PRPF19: variants seen among roughly 807,000 people sequenced by gnomAD.
PRPF19 encodes pre-mRNA-processing factor 19.
PRPF19 carries 2 observed loss-of-function variants against 64.2 expected under a neutral mutation model. The observed-to-expected ratio is 0.03, with a 90% CI of 0.01 to 0.10. PRPF19 has a LOEUF of 0.10. Ranked by LOEUF, PRPF19 falls within the 10% of genes least tolerant of loss-of-function variation. The probability of loss-of-function intolerance (pLI) is 1.00; values close to 1 mark genes in which losing one functional copy is unlikely to be tolerated. For missense variants in PRPF19, 314 were observed against 650.0 expected (o/e 0.48, Z 5.62); for synonymous variants, 226 against 251.6 (o/e 0.90, Z 0.96).
Position 60,903,881 on chromosome 11 carries a change from A to T in PRPF19, c.20-20T>A, listed in dbSNP as rs1187177661. ...TAGAGACTGTAGAGAAAAGGCTGGT[A>T]GTGAGCTTGGAGTGAAGGCAATCTT... On this transcript the variant is annotated intron_variant, in intron 1 of 15. Coordinates refer to ENST00000227524, the MANE Select transcript of PRPF19 (RefSeq NM_014502.5). 1 of 1,605,594 alleles carries T rather than the reference A, an allele frequency of 6.2e-7. No individual in the cohort carries two copies. The highest frequency in any genetic ancestry group is 8.5e-7 in the Non-Finnish European group (1 of 1,178,084).
chr11:60,895,425 T>G (rs757714342), intron 15 of PRPF19, among the ~76,000 whole-genome samples: 3 of 152,246 alleles, frequency 2.0e-5, no homozygotes, highest in Non-Finnish European at 4.4e-5. Flanking sequence ...GTCTCAGCCT[T>G]CACAGAATTC....
At chr11:60,899,548 G>C (rs930930975) in intron 10 of PRPF19, among the ~76,000 whole-genome samples, 2 of 152,180 alleles carry the variant, frequency 1.3e-5, no homozygotes, top group Non-Finnish European at 1.5e-5. Flanking sequence ...GTGGTAAAAA[G>C]GCTAACTGCA....
chr11:60,899,739 T>C (rs1855961003), intron 10 of PRPF19, among the ~76,000 whole-genome samples: 2 of 152,272 alleles, frequency 1.3e-5, no homozygotes. Flanking sequence ...TGGCTGTATT[T>C]CAGTGCATTC....
rs1390364399 is a variant in PRPF19, at chr11:60,890,668, C to A, written c.*498G>T. ...GCCAGTGTCCCAGTGTGTGCTCCCT[C>A]CCCTTGACCTTCCCAGTCCCAGGTG... is the stretch of plus-strand genomic sequence containing the variant. On this transcript the variant is annotated 3_prime_UTR_variant, in exon 16 of 16. Transcript: ENST00000227524. The A allele has an allele frequency of 2.2e-6, 1 of 449,572 alleles. No homozygotes were observed. 27.8% of individuals were successfully genotyped at this position (449,572 alleles called of 1,614,324 possible). A position where few individuals can be genotyped will look rare whatever the true frequency, so the allele number is the denominator to read the frequency against.
In PRPF19 at chr11:60,903,718, T is replaced by G; in HGVS notation, c.163A>C (p.Ile55Leu). The G allele has an allele frequency of 1.3e-6, 2 of 1,593,686 alleles. No homozygotes were observed. Among genetic ancestry groups the G allele is most frequent in the Non-Finnish European group, 1.7e-6 (2 of 1,172,292 alleles). Residue 55 changes from isoleucine (I) to leucine (L), a missense_variant, in exon 2 of 16, where the codon ATC becomes CTC. Transcript: ENST00000227524. ...QPLSEEQLID[I>L]KVAHPIRPKP... ...TAAGGCAGCCAATAGGCACCTTTGATGTCGATGAGCTGCTCCTCGGAGAGA... is the reference window on the plus strand; with the variant it reads ...TAAGGCAGCCAATAGGCACCTTTGAGGTCGATGAGCTGCTCCTCGGAGAGA...
In PRPF19 at chr11:60,898,303, C is replaced by G; in HGVS notation, c.1141-32G>C. 6.2e-7 allele frequency: 1 copy of G among 1,607,506 alleles called. No homozygotes were observed. ...TGGCGGTGGGTAGTAAAATACGTCA[C>G]CCACAGATCATGAGAGGAAGAAAAT... On this transcript the variant is annotated intron_variant, in intron 13 of 15. Transcript: ENST00000227524. This position sits in a 1 kb window ranked among gnomAD's most constrained non-coding sequence, Gnocchi z 4.6.
At position 60,891,973 on chromosome 11, in the gene PRPF19, C is replaced by T. The variant is rs539823050; in HGVS notation, c.1418-710G>A. 9.8e-5 allele frequency among the ~76,000 whole-genome samples: 15 copies of T among 152,332 alleles called. No individual in the cohort carries two copies. In the South Asian group the frequency reaches 2.7e-3, roughly 27 times the overall value. On this transcript the variant is annotated intron_variant, in intron 15 of 15. Coordinates refer to ENST00000227524, the MANE Select transcript of PRPF19 (RefSeq NM_014502.5). ...GAAATATCTTGTATCCTGCTCACAA[C>T]CTGCTAATGAGGACGAGAATTTCAT...
rs1243561441 is a variant in PRPF19 at position 60,897,683 on chromosome 11, A to T, written c.1417+163T>A. On this transcript the variant is annotated intron_variant, in intron 15 of 15. Coordinates refer to ENST00000227524, the MANE Select transcript of PRPF19 (RefSeq NM_014502.5). ...CAAGCACTAGCATCTACTGCCATGCAGTCTGACTCAGTTGCTTCCTTAGTC... is the reference window on the plus strand; with the variant it reads ...CAAGCACTAGCATCTACTGCCATGCTGTCTGACTCAGTTGCTTCCTTAGTC... 1.3e-5 allele frequency: 8 copies of T among 595,202 alleles called. No individual in the cohort carries two copies. The East Asian group carries it at 2.3e-4, about 17-fold the overall frequency. The allele number at this position is 595,202 out of a possible 1,614,324, so 36.9% of individuals were successfully genotyped here.
At chr11:60,903,639 T>C in intron 2 of PRPF19, 73 bp downstream of exon 2, 2 of 1,580,708 alleles carry the variant, frequency 1.3e-6, no homozygotes, top group Non-Finnish European at 1.7e-6. Flanking sequence ...CTTCCTCCAG[T>C]GCACTGGCAC....
In PRPF19 at chr11:60,896,626, G is replaced by A. The variant is rs561946816; in HGVS notation, c.1417+1220C>T. 1.3e-4 allele frequency among the ~76,000 whole-genome samples: 20 copies of A among 152,296 alleles called. No individual in the cohort carries two copies. In the South Asian group the frequency reaches 4.1e-3, roughly 32 times the overall value. On this transcript the variant is annotated intron_variant, in intron 15 of 15. Transcript: ENST00000227524. ...AAAGAAAGACATGTTTGCTTTCCCTGCTGCTATGACTGTAAGTTTCCTGAG... is the reference window on the plus strand; with the variant it reads ...AAAGAAAGACATGTTTGCTTTCCCTACTGCTATGACTGTAAGTTTCCTGAG...
In PRPF19 at chr11:60,906,386, G is replaced by A. The variant is rs1340706438; in HGVS notation, c.-4C>T. ...CACTGGAGCAGATTAGGGACATGGC[G>A]CCGTCACCGTGCTCCGAGGCGCCAC... On this transcript the variant is annotated 5_prime_UTR_variant, in exon 1 of 16. Transcript: ENST00000227524. The A allele has an allele frequency of 1.3e-6, 2 of 1,592,300 alleles. No homozygotes were observed. Among genetic ancestry groups the A allele is most frequent in the South Asian group, 1.1e-5 (1 of 88,476 alleles).
chr11:60,906,340 C>T (rs748452166), intron 1 of PRPF19, 24 bp downstream of exon 1: 2 of 1,597,040 alleles, frequency 1.3e-6, no homozygotes, highest in Admixed American at 1.7e-5. Flanking sequence ...CTGAGACCCG[C>T]GCTTGGCCGC....
chr11:60,901,074 A>G, intron 8 of PRPF19, 145 bp from the exon 9 acceptor site: 3 of 1,051,576 alleles, frequency 2.9e-6, no homozygotes, highest in Non-Finnish European at 2.8e-6. Flanking sequence ...CCTCTTGGCT[A>G]TCTGCCTGGT....
chr11:60,900,979 C>T (rs758822675), intron 8 of PRPF19, 50 bp from the exon 9 acceptor site: 2 of 1,598,392 alleles, frequency 1.3e-6, no homozygotes, highest in Non-Finnish European at 8.6e-7. Flanking sequence ...CACAGCAGGC[C>T]ACAAAGCCAC....
At chr11:60,893,109 C>T (rs919761214) in intron 15 of PRPF19, among the ~76,000 whole-genome samples, 1 of 152,198 alleles carries the variant, frequency 6.6e-6, no homozygotes, top group Non-Finnish European at 1.5e-5. Context: ...CAAGTGATGT[C>T]ATAACCATCA....
rs772212743 is a variant in PRPF19, at chr11:60,898,583, T to C, written c.1098A>G (p.Gly366=). Residue 366 remains glycine, a synonymous_variant, in exon 13 of 16, where the codon GGA becomes GGG. Coordinates refer to ENST00000227524, the MANE Select transcript of PRPF19 (RefSeq NM_014502.5). This position sits in a 1 kb window ranked among gnomAD's most constrained non-coding sequence, Gnocchi z 4.6. The part of the protein sequence containing the change: ...AQFHPDGLIF[G]TGTMDSQIKI... ...TGATCTGAGAGTCCATGGTTCCTGT[T>C]CCAAAGATGAGTCCGTCAGGGTGGA... The C allele has an allele frequency of 1.2e-6, 2 of 1,613,952 alleles. No individual in the cohort carries two copies. The highest frequency in any genetic ancestry group is 1.3e-5 in the African/African-American group (1 of 74,872).
intron 15 of PRPF19, chr11:60,897,639 G>A (rs886668989): frequency 4.0e-6 from 2 of 504,976 alleles, no homozygotes; most frequent in Non-Finnish European, 7.0e-6. Context: ...CAATGCCACA[G>A]GGCATGGAAG....
At chr11:60,892,976 C>T (rs540793804) in intron 15 of PRPF19, among the ~76,000 whole-genome samples, 1 of 152,176 alleles carries the variant, frequency 6.6e-6, no homozygotes, top group South Asian at 2.1e-4. Context: ...AAGCCTTAGG[C>T]CCCTACTCCC....
At chr11:60,900,104 A>G (rs1456130300) in intron 10 of PRPF19, among the ~76,000 whole-genome samples, 3 of 152,124 alleles carry the variant, frequency 2.0e-5, no homozygotes, top group Admixed American at 6.6e-5. Flanking sequence ...GAATCCCATA[A>G]TATCATTAAT....
Sources: gnomAD v4.1 joint callset for allele counts (sites outside exome capture counted in the v4.1 genomes callset) on GRCh38, gnomAD v4.1.1 for gene constraint, Gnocchi (gnomAD v3.1) non-coding constraint, MANE v1.5 for transcripts, NCBI Gene and HGNC (gene_info 2026-07-23, HGNC 2026-07-21) for gene names.